Variants in TBC1D5 observed in about 807,000 individuals in gnomAD.
TBC1D5 encodes TBC1 domain family member 5, also known as TBC1 domain family, member 5.
Under a neutral mutation model 100.3 loss-of-function variants are expected in TBC1D5, and 75 were observed. That is an observed-to-expected ratio of 0.75 (90% CI 0.62 to 0.91). TBC1D5 has a LOEUF of 0.91. Among genes scored for constraint, TBC1D5 ranks in the 40% least tolerant of loss-of-function variants. The probability of loss-of-function intolerance (pLI) is 0.00; values close to 1 mark genes in which losing one functional copy is unlikely to be tolerated. For synonymous variants in TBC1D5, 323 were observed against 325.6 expected (o/e 0.99, Z 0.09); for missense variants, 910 against 942.4 (o/e 0.97, Z 0.45).
chr3:17,651,565 G>A (rs148120151), intron 1 of TBC1D5, among the ~76,000 whole-genome samples: 2,521 of 152,096 alleles, frequency 0.017, 52 homozygotes, highest in South Asian at 0.047. Flanking sequence ...AAAAAACTTC[G>A]TCGGGCATGC....
At chr3:17,385,928 T>C (rs769296601) in intron 8 of TBC1D5, among the ~76,000 whole-genome samples, 2 of 152,082 alleles carry the variant, frequency 1.3e-5, no homozygotes, top group Non-Finnish European at 2.9e-5. Context: ...CCAAAGAAAC[T>C]GCAGAATGAT....
chr3:17,685,667 G>A (rs2070164110), intron 1 of TBC1D5, among the ~76,000 whole-genome samples: 1 of 151,882 alleles, frequency 6.6e-6, no homozygotes, highest in East Asian at 1.9e-4. Context: ...GACTGCATAG[G>A]ATTAGTTCTC....
chr3:17,696,669 A>G (rs763979195), intron 1 of TBC1D5, among the ~76,000 whole-genome samples: 11 of 152,244 alleles, frequency 7.2e-5, no homozygotes, highest in Non-Finnish European at 1.5e-4. Flanking sequence ...AAATTCTACC[A>G]GAGGTACAAA....
At chr3:17,723,178 T>G (rs11128849) in intron 1 of TBC1D5, among the ~76,000 whole-genome samples, 1 of 151,876 alleles carries the variant, frequency 6.6e-6, no homozygotes. Context: ...AAAAGTGTAA[T>G]TTGATTGTTT....
rs776669667 is a variant in TBC1D5, at chr3:17,308,018, G to C, written c.1112C>G (p.Ala371Gly). The change falls in exon 14 of 22, where the codon GCC (alanine) becomes GGC (glycine). Residue 371 changes from alanine (A) to glycine (G), a missense_variant. Transcript: ENST00000253692. ...AGCATCTCGGATGTAAAGTAACATGGCTACGAAGATATAATCTACTAAACC... is the reference window on the plus strand; with the variant it reads ...AGCATCTCGGATGTAAAGTAACATGCCTACGAAGATATAATCTACTAAACC... 9.5e-5 allele frequency: 152 copies of C among 1,604,800 alleles called. 1 individual carries two copies. In the South Asian group the frequency reaches 1.6e-3, roughly 17 times the overall value.
intron 21 of TBC1D5, among the ~76,000 whole-genome samples, chr3:17,163,422 C>T (rs1020125427): frequency 2.0e-5 from 3 of 152,028 alleles, no homozygotes; most frequent in African/African-American, 7.2e-5. Context: ...TATGGATTTC[C>T]CTAGCAGCCT....
chr3:17,526,227 A>T (rs2096133190), intron 2 of TBC1D5, among the ~76,000 whole-genome samples: 1 of 151,998 alleles, frequency 6.6e-6, no homozygotes, highest in Admixed American at 6.6e-5. Context: ...TTATTTATTT[A>T]TTTTTTAAGA....
intron 1 of TBC1D5, among the ~76,000 whole-genome samples, chr3:17,626,876 T>C (rs538922403): frequency 6.6e-5 from 10 of 152,272 alleles, no homozygotes; most frequent in Admixed American, 4.6e-4. Context: ...GACAAATTTA[T>C]GAGAGAACCT....
At chr3:17,520,972 CT>C (rs2096057855) in intron 2 of TBC1D5, among the ~76,000 whole-genome samples, 1 of 152,098 alleles carries the variant, frequency 6.6e-6, no homozygotes, top group Non-Finnish European at 1.5e-5. Context: ...CTGATTGTTA[CT>C]GGAAAAAACT....
intron 2 of TBC1D5, among the ~76,000 whole-genome samples, chr3:17,592,820 G>T (rs2060317615): frequency 6.6e-6 from 1 of 152,132 alleles, no homozygotes; most frequent in Non-Finnish European, 1.5e-5. Context: ...TTGGAGCAAG[G>T]CCCTGCCATC....
chr3:17,740,102 GT>G (rs2077294102), exon 1 of TBC1D5: 1 of 151,980 alleles, frequency 6.6e-6, no homozygotes, highest in Non-Finnish European at 1.5e-5. Context: ...ATCACTTGAG[GT>G]CAGGAGGTCG....
At chr3:17,719,651 TAA>T (rs1175033631) in intron 1 of TBC1D5, among the ~76,000 whole-genome samples, 2 of 152,212 alleles carry the variant, frequency 1.3e-5, no homozygotes, top group Non-Finnish European at 2.9e-5. Context: ...CACAAAAGTT[TAA>T]GTTTGACATA....
chr3:17,549,752 G>A (rs1378056439), intron 2 of TBC1D5, among the ~76,000 whole-genome samples: 5 of 151,994 alleles, frequency 3.3e-5, no homozygotes, highest in African/African-American at 1.2e-4. Flanking sequence ...CCAATATGGT[G>A]CAACCTCGTC....
chr3:17,597,327 T>G (rs1256294885), intron 2 of TBC1D5, among the ~76,000 whole-genome samples: 2 of 152,186 alleles, frequency 1.3e-5, no homozygotes, highest in Non-Finnish European at 2.9e-5. Flanking sequence ...AGTATCTCAT[T>G]TAATGCCTAC....
intron 1 of TBC1D5, among the ~76,000 whole-genome samples, chr3:17,715,498 A>C (rs928028279): frequency 6.6e-6 from 1 of 152,260 alleles, no homozygotes; most frequent in Non-Finnish European, 1.5e-5. Flanking sequence ...ACATAAAAGA[A>C]GGATCTATCA....
chr3:17,631,508 T>C (rs965923010), intron 1 of TBC1D5, among the ~76,000 whole-genome samples: 1 of 152,214 alleles, frequency 6.6e-6, no homozygotes, highest in Admixed American at 6.5e-5. Flanking sequence ...CGAAACAATA[T>C]ACAGTATCTT....
intron 1 of TBC1D5, among the ~76,000 whole-genome samples, chr3:17,709,418 C>T (rs1010585817): frequency 2.0e-5 from 3 of 152,200 alleles, no homozygotes; most frequent in Non-Finnish European, 4.4e-5. Flanking sequence ...CCCTCCCACC[C>T]TAAATCCACA....
intron 2 of TBC1D5, chr3:17,518,893 C>T (rs1441290456): frequency 1.3e-5 from 2 of 152,540 alleles, no homozygotes; most frequent in Non-Finnish European, 2.9e-5. Context: ...GGCTCCCGCA[C>T]CTGCTCACCT....
chr3:17,533,016 C>G (rs1026715376), intron 2 of TBC1D5, among the ~76,000 whole-genome samples: 1 of 150,952 alleles, frequency 6.6e-6, no homozygotes, highest in Non-Finnish European at 1.5e-5. Flanking sequence ...TTGATCACAC[C>G]ACTGCACTCC....
Sources: gnomAD v4.1 joint callset for allele counts (sites outside exome capture counted in the v4.1 genomes callset) on GRCh38, gnomAD v4.1.1 for gene constraint, MANE v1.5 for transcripts, NCBI Gene and HGNC (gene_info 2026-07-23, HGNC 2026-07-21) for gene names.